The following NCR3LG1 variants were observed in gnomAD, a reference collection of about 807,000 sequenced individuals.
NCR3LG1 encodes the protein natural cytotoxicity triggering receptor 3 ligand 1.
NCR3LG1 carries 35 observed loss-of-function variants against 34.8 expected under a neutral mutation model. The observed-to-expected ratio is 1.01, with a 90% CI of 0.77 to 1.33. NCR3LG1 has a LOEUF of 1.33. Ranked by LOEUF, NCR3LG1 falls within the 40% of genes most tolerant of loss-of-function variation. The pLI is 0.00. For missense variants in NCR3LG1, 452 were observed against 423.3 expected, an observed-to-expected ratio of 1.07 and a Z score of -0.60; for synonymous variants, 173 against 163.6, an observed-to-expected ratio of 1.06 and a Z score of -0.44.
downstream of NCR3LG1, among the ~76,000 whole-genome samples, chr11:17,380,302 C>G (rs1016162686): frequency 6.6e-6 from 1 of 151,994 alleles, no homozygotes; most frequent in Non-Finnish European, 1.5e-5. Flanking sequence ...TGAGCACTTC[C>G]AGTAAATTGG....
intron 2 of NCR3LG1, among the ~76,000 whole-genome samples, chr11:17,362,702 TTCTTTCTTTCTTTC>T (rs1370328367): frequency 2.5e-4 from 3 of 12,188 alleles, no homozygotes; most frequent in African/African-American, 2.0e-3. Context: ...CTTTCTTTCT[TTCTTTCTTTCTTTC>T]TTTCTTTCTT....
At chr11:17,368,985 G>C in intron 4 of NCR3LG1, 21 bp downstream of exon 4, 12 of 1,460,144 alleles carry the variant, frequency 8.2e-6, no homozygotes, top group Non-Finnish European at 1.1e-5. Context: ...CCAAAGCAAA[G>C]TTCAGCCCTG....
Position 17,353,142 on chromosome 11 carries a change from G to A in NCR3LG1, c.70+1103G>A, listed in dbSNP as rs151095396. 2.8e-3 allele frequency among the ~76,000 whole-genome samples: 419 copies of A among 150,532 alleles called. 9 individuals carry two copies. The highest frequency in any genetic ancestry group is 0.025 in the Admixed American group (383 of 15,220). On this transcript the variant is annotated intron_variant, in intron 1 of 4. Coordinates refer to ENST00000338965, the MANE Select transcript of NCR3LG1 (RefSeq NM_001202439.3). Reference sequence around the variant, plus strand: ...AGCAGCGTGAACGGATGTTGAAGGCGTAGAGCCAAGTAAACAGTGGACATA... The same window carrying A: ...AGCAGCGTGAACGGATGTTGAAGGCATAGAGCCAAGTAAACAGTGGACATA...
At chr11:17,368,746 CTGG>C in intron 3 of NCR3LG1, 118 bp from the exon 4 acceptor site, 1 of 696,940 alleles carries the variant, frequency 1.4e-6, no homozygotes, top group Non-Finnish European at 2.5e-6. Flanking sequence ...TGGCAGAGGG[CTGG>C]TGGTTAAATC....
chr11:17,356,575 C>A, intron 1 of NCR3LG1, 76 bp from the exon 2 acceptor site: 2 of 1,068,084 alleles, frequency 1.9e-6, no homozygotes, highest in Non-Finnish European at 2.7e-6. Context: ...AGGACTCAAG[C>A]ATTCAGTCCA....
At position 17,373,760 on chromosome 11, in the gene NCR3LG1, C is replaced by G. The variant is rs533173677; in HGVS notation, c.*1248C>G. 5 of 147,210 alleles carry G rather than the reference C, an allele frequency of 3.4e-5. No homozygotes were observed. In the East Asian group the frequency reaches 5.8e-4, roughly 17 times the overall value. 9.1% of individuals were successfully genotyped at this position (147,210 alleles called of 1,614,324 possible). A position where few individuals can be genotyped will look rare whatever the true frequency, so the allele number is the denominator to read the frequency against. Reference sequence around the variant, plus strand: ...CAGAGGGACCTACTGTTTACACAGGCCTTTTTAGTCATGCCTGAAAGTCCC... The same window carrying G: ...CAGAGGGACCTACTGTTTACACAGGGCTTTTTAGTCATGCCTGAAAGTCCC... On this transcript the variant is annotated 3_prime_UTR_variant, in exon 5 of 5. Coordinates refer to ENST00000338965, the MANE Select transcript of NCR3LG1 (RefSeq NM_001202439.3).
At chr11:17,378,480 T>A (rs1953495072), downstream of NCR3LG1, among the ~76,000 whole-genome samples, 1 of 152,136 alleles carries the variant, frequency 6.6e-6, no homozygotes, top group Non-Finnish European at 1.5e-5. Context: ...TTGTTTCCTC[T>A]CACTTAGAGG....
intron 2 of NCR3LG1, among the ~76,000 whole-genome samples, chr11:17,360,121 G>C (rs554884484): frequency 6.6e-6 from 1 of 152,252 alleles, no homozygotes; most frequent in Admixed American, 6.5e-5. Context: ...GCCCAGGCTG[G>C]TCTTGAACTC....
chr11:17,352,142 G>T, intron 1 of NCR3LG1, 103 bp downstream of exon 1: 1 of 633,204 alleles, frequency 1.6e-6, no homozygotes, highest in Non-Finnish European at 2.6e-6. Context: ...ACTTCCTGGG[G>T]GCTGAGAGCT....
intron 4 of NCR3LG1, 138 bp from the exon 5 acceptor site, chr11:17,371,868 T>C (rs1953409258): frequency 9.9e-6 from 6 of 605,310 alleles, no homozygotes; most frequent in Admixed American, 2.9e-5. Context: ...GGGCAGCACC[T>C]ATAATGGTCA....
Position 17,372,112 on chromosome 11 carries a change from G to A in NCR3LG1, c.965G>A (p.Cys322Tyr). 1 of 702,970 alleles carries A rather than the reference G, an allele frequency of 1.4e-6. No individual in the cohort carries two copies. The allele number at this position is 702,970 out of a possible 1,614,324, so 43.5% of individuals were successfully genotyped here. A position where few individuals can be genotyped will look rare whatever the true frequency, so the allele number is the denominator to read the frequency against. The change falls in exon 5 of 5, where the codon TGC (cysteine) becomes TAC (tyrosine). Residue 322 changes from cysteine to tyrosine, a missense_variant. Transcript: ENST00000338965. ...AAGAAAGAGCACCTCATATTCTTTT[G>A]CACTCGGGCATGGCCGTCTTACCAG... Reference protein sequence around the residue: ...TLKKEHLIFFCTRAWPSYQLQ... With the variant: ...TLKKEHLIFFYTRAWPSYQLQ...
At chr11:17,352,172 T>C in intron 1 of NCR3LG1, 133 bp downstream of exon 1, 1 of 499,804 alleles carries the variant, frequency 2.0e-6, no homozygotes, top group South Asian at 2.7e-5. Flanking sequence ...TTTCTATTTC[T>C]TCTCCTTTTT....
intron 2 of NCR3LG1, among the ~76,000 whole-genome samples, chr11:17,358,686 A>G (rs1297402427): frequency 1.3e-5 from 2 of 152,196 alleles, no homozygotes; most frequent in Non-Finnish European, 2.9e-5. Context: ...TGGAGTATCT[A>G]CATAATTTTT....
At position 17,362,710 on chromosome 11, in the gene NCR3LG1, T is replaced by TTC. The variant is rs1953287630; in HGVS notation, c.422-4297_422-4296dup. On this transcript the variant is annotated intron_variant, in intron 2 of 4. Coordinates refer to ENST00000338965, the MANE Select transcript of NCR3LG1 (RefSeq NM_001202439.3). ...TTCCTTCCTTTCTTTCTTTCTTTCT[T>TTC]TCTTTCTTTCTTTCTTTCTTTCTTT... is the stretch of plus-strand genomic sequence containing the variant. Among the ~76,000 whole-genome samples the TTC allele has an allele frequency of 1.3e-4, 6 of 44,460 alleles. 1 individual carries two copies. The highest frequency in any genetic ancestry group is 8.0e-4 in the African/African-American group (6 of 7,464). 29.2% of individuals were successfully genotyped at this position (44,460 alleles called of 152,430 possible). A position where few individuals can be genotyped will look rare whatever the true frequency, so the allele number is the denominator to read the frequency against.
chr11:17,356,962 C>G lies in NCR3LG1; in HGVS notation c.382C>G (p.Pro128Ala), dbSNP rs1276467695. 1.3e-6 allele frequency: 2 copies of G among 1,534,322 alleles called. No homozygotes were observed. The highest frequency in any genetic ancestry group is 2.7e-5 in the African/African-American group (2 of 72,998). ...GEYRCEVVVT[P>A]LKAQGTVQLE... ...GTACCGATGTGAGGTGGTGGTCACC[C>G]CTCTGAAGGCACAGGGAACAGTCCA... Residue 128 changes from proline to alanine, a missense_variant, in exon 2 of 5, where the codon CCT becomes GCT. By Grantham distance (27) the Pro-to-Ala change is conservative. Coordinates refer to ENST00000338965, the MANE Select transcript of NCR3LG1 (RefSeq NM_001202439.3).
In NCR3LG1 at chr11:17,352,183, T is replaced by G. The variant is rs1953144253; in HGVS notation, c.70+144T>G. The stretch of plus-strand genomic sequence containing the variant: ...TTCTTTTCTATTTCTTCTCCTTTTT[T>G]TTTTTTTTTTTTTTTGAGACGGAGT... On this transcript the variant is annotated intron_variant, in intron 1 of 4. Coordinates refer to ENST00000338965, the MANE Select transcript of NCR3LG1 (RefSeq NM_001202439.3). 16 of 439,180 alleles carry G rather than the reference T, an allele frequency of 3.6e-5. No individual in the cohort carries two copies. The South Asian group carries it at 4.8e-4, about 13-fold the overall frequency. 27.2% of individuals were successfully genotyped at this position (439,180 alleles called of 1,614,324 possible).
In NCR3LG1 at chr11:17,353,979, GA is replaced by G. The variant is rs543886083; in HGVS notation, c.70+1950del. Reference sequence around the variant, plus strand: ...TGGAAGCAAATTTAAAGTGGTACAAGAAAAAAAAAATCCAGTCATACAAAGG... The same window carrying G: ...TGGAAGCAAATTTAAAGTGGTACAAGAAAAAAAAATCCAGTCATACAAAGG... On this transcript the variant is annotated intron_variant, in intron 1 of 4. Coordinates refer to ENST00000338965, the MANE Select transcript of NCR3LG1 (RefSeq NM_001202439.3). Among the ~76,000 whole-genome samples, 466 of 149,792 alleles carry G rather than the reference GA, an allele frequency of 3.1e-3. 4 individuals carry two copies. Among genetic ancestry groups the G allele is most frequent in the African/African-American group, 9.2e-3 (378 of 40,892 alleles).
chr11:17,366,635 A>T (rs1323244843), intron 2 of NCR3LG1, among the ~76,000 whole-genome samples: 1 of 152,224 alleles, frequency 6.6e-6, no homozygotes, highest in East Asian at 1.9e-4. Flanking sequence ...AATTGCTGTG[A>T]GAGTTGTGGT....
At chr11:17,360,726 C>A (rs1299627754) in intron 2 of NCR3LG1, among the ~76,000 whole-genome samples, 1 of 151,768 alleles carries the variant, frequency 6.6e-6, no homozygotes, top group Non-Finnish European at 1.5e-5. Flanking sequence ...TGTGTGGGTC[C>A]ATTTCTGGGC....
Sources: gnomAD v4.1 joint callset for allele counts (sites outside exome capture counted in the v4.1 genomes callset) on GRCh38, gnomAD v4.1.1 for gene constraint, MANE v1.5 for transcripts, NCBI Gene and HGNC (gene_info 2026-07-23, HGNC 2026-07-21) for gene names.